Variants in KCNAB1 observed in about 807,000 individuals in gnomAD.
KCNAB1 encodes voltage-gated potassium channel subunit beta-1.
In KCNAB1, 35 loss-of-function variants were observed where a neutral mutation model predicts 64.6. The ratio of observed to expected loss-of-function variants is 0.54; its 90% CI spans 0.41 to 0.72. KCNAB1 has a LOEUF of 0.72. KCNAB1 is among the 30% of genes least tolerant of loss of function. KCNAB1 has a pLI of 0.00. For synonymous variants in KCNAB1, 177 were observed against 183.8 expected, an observed-to-expected ratio of 0.96 and a Z score of 0.30; for missense variants, 401 against 512.9, an observed-to-expected ratio of 0.78 and a Z score of 2.11.
At chr3:156,223,683 C>A (rs567425377) in intron 1 of KCNAB1, among the ~76,000 whole-genome samples, 2 of 149,016 alleles carry the variant, frequency 1.3e-5, no homozygotes, top group Non-Finnish European at 3.0e-5. Flanking sequence ...AGACACAGAG[C>A]GCTGATTGGT....
chr3:156,386,262 G>A (rs539484934), intron 1 of KCNAB1, among the ~76,000 whole-genome samples: 8 of 152,214 alleles, frequency 5.3e-5, no homozygotes, highest in Non-Finnish European at 1.0e-4. Flanking sequence ...TTTATACGCT[G>A]GCCCCTTTTC....
At chr3:156,197,278 T>C (rs1714013620) in intron 1 of KCNAB1, among the ~76,000 whole-genome samples, 1 of 152,158 alleles carries the variant, frequency 6.6e-6, no homozygotes, top group Non-Finnish European at 1.5e-5. Context: ...TTTGTGTGTG[T>C]GTGTCTCTGC....
chr3:156,264,766 A>G (rs764698647), intron 1 of KCNAB1, among the ~76,000 whole-genome samples: 2 of 152,188 alleles, frequency 1.3e-5, no homozygotes, highest in Non-Finnish European at 2.9e-5. Flanking sequence ...TATTCATGCA[A>G]TGGTATGTCT....
chr3:156,473,451 T>G (rs1040027353), intron 7 of KCNAB1, among the ~76,000 whole-genome samples: 8 of 152,186 alleles, frequency 5.3e-5, no homozygotes, highest in Non-Finnish European at 8.8e-5. Context: ...CATGATACTT[T>G]TTCATGTTAA....
At chr3:156,292,053 G>A in intron 1 of KCNAB1, 1 of 1,614,138 alleles carries the variant, frequency 6.2e-7, no homozygotes. Context: ...ATCGCGCGCA[G>A]CCTGGGGACG....
chr3:156,456,616 G>A (rs148410267), intron 3 of KCNAB1, among the ~76,000 whole-genome samples: 4 of 152,318 alleles, frequency 2.6e-5, no homozygotes, highest in Non-Finnish European at 5.9e-5. Flanking sequence ...TGCGGATGAA[G>A]CAACTTTAGC....
chr3:156,252,162 A>G lies in KCNAB1; in HGVS notation c.275+131276A>G, dbSNP rs150980953. 3.3e-5 allele frequency among the ~76,000 whole-genome samples: 5 copies of G among 152,382 alleles called. No individual in the cohort carries two copies. In the East Asian group the frequency reaches 9.6e-4, roughly 29 times the overall value. Reference sequence around the variant, plus strand: ...GACGGAGGGCATCACTGGGCCATACAGACATTGGGATATTGCCTTGGCATC... The same window carrying G: ...GACGGAGGGCATCACTGGGCCATACGGACATTGGGATATTGCCTTGGCATC... On this transcript the variant is annotated intron_variant, in intron 1 of 13. Coordinates refer to ENST00000490337, the MANE Select transcript of KCNAB1 (RefSeq NM_172160.3).
At chr3:156,424,794 G>A (rs1208879280) in intron 2 of KCNAB1, among the ~76,000 whole-genome samples, 2 of 152,144 alleles carry the variant, frequency 1.3e-5, no homozygotes, top group East Asian at 1.9e-4. Context: ...CTGTGTATGA[G>A]GTGCAGGCAT....
intron 1 of KCNAB1, among the ~76,000 whole-genome samples, chr3:156,222,154 C>G (rs952603208): frequency 6.6e-6 from 1 of 152,082 alleles, no homozygotes; most frequent in African/African-American, 2.4e-5. Flanking sequence ...TAAGAATTCA[C>G]CAACCAATTC....
intron 1 of KCNAB1, among the ~76,000 whole-genome samples, chr3:156,342,609 A>ATTTTTTTTTTTTTTTTTTTATT (rs59689669): frequency 9.6e-6 from 1 of 104,694 alleles, no homozygotes; most frequent in Admixed American, 1.0e-4. Flanking sequence ...TTTTTTTTTA[A>ATTTTTTTTTTTTTTTTTTTATT]TTTTTTTTTT....
intron 2 of KCNAB1, among the ~76,000 whole-genome samples, chr3:156,451,330 G>C (rs1030080539): frequency 1.3e-5 from 2 of 152,182 alleles, no homozygotes. Flanking sequence ...TAGTCCCTGA[G>C]AAGTAAGAGA....
intron 7 of KCNAB1, among the ~76,000 whole-genome samples, chr3:156,468,603 T>G (rs1016316727): frequency 6.6e-6 from 1 of 152,188 alleles, no homozygotes; most frequent in Non-Finnish European, 1.5e-5. Flanking sequence ...GGTTACTATA[T>G]GGGGATAAAA....
intron 1 of KCNAB1, among the ~76,000 whole-genome samples, chr3:156,364,153 A>G (rs1230945099): frequency 6.6e-6 from 1 of 152,196 alleles, no homozygotes; most frequent in East Asian, 1.9e-4. Flanking sequence ...ACCTGAAGGA[A>G]GTTCCAGAGG....
At chr3:156,485,268 T>G (rs1715116603) in intron 8 of KCNAB1, among the ~76,000 whole-genome samples, 1 of 152,144 alleles carries the variant, frequency 6.6e-6, no homozygotes, top group East Asian at 1.9e-4. Context: ...CTTTTTATTT[T>G]GAGAAATTAA....
chr3:156,271,386 T>G (rs1433557288), intron 1 of KCNAB1, among the ~76,000 whole-genome samples: 1 of 152,198 alleles, frequency 6.6e-6, no homozygotes, highest in Non-Finnish European at 1.5e-5. Flanking sequence ...TTCATTTTCT[T>G]TTGTCTCCTT....
intron 1 of KCNAB1, among the ~76,000 whole-genome samples, chr3:156,305,072 A>G (rs757319793): frequency 2.4e-4 from 36 of 152,182 alleles, no homozygotes; most frequent in Non-Finnish European, 4.3e-4. Flanking sequence ...CTTTGTCTTT[A>G]CTACCAGTAT....
intron 8 of KCNAB1, among the ~76,000 whole-genome samples, chr3:156,498,695 C>T (rs1716174516): frequency 6.6e-6 from 1 of 152,196 alleles, no homozygotes; most frequent in Non-Finnish European, 1.5e-5. Flanking sequence ...ATATCCAACA[C>T]CGTAGATATC....
At position 156,126,854 on chromosome 3, in the gene KCNAB1, G is replaced by C. The variant is rs920633087; in HGVS notation, c.275+5968G>C. On this transcript the variant is annotated intron_variant, in intron 1 of 13. Coordinates refer to ENST00000490337, the MANE Select transcript of KCNAB1 (RefSeq NM_172160.3). ...GTGACTTAAGTAAGTATAGCTCACA[G>C]AACAGCAGTGGGCACATATAGTAGT... 2.6e-5 allele frequency among the ~76,000 whole-genome samples: 4 copies of C among 152,076 alleles called. No individual in the cohort carries two copies. In the East Asian group the frequency reaches 5.8e-4, roughly 22 times the overall value.
chr3:156,539,060 T>C (rs1393511403), downstream of KCNAB1: 1 of 152,166 alleles, frequency 6.6e-6, no homozygotes, highest in Non-Finnish European at 1.5e-5. Context: ...AAGAAAAAAT[T>C]CCACGCACTC....
Sources: allele counts gnomAD v4.1 joint callset (sites outside exome capture counted in the v4.1 genomes callset), GRCh38; gene constraint gnomAD v4.1.1; transcripts MANE v1.5; gene names NCBI Gene and HGNC (gene_info 2026-07-23, HGNC 2026-07-21).